Variants in EEIG1 observed in about 807,000 individuals in gnomAD.
EEIG1 encodes estrogen-induced osteoclastogenesis regulator 1, also known as early estrogen-induced gene 1 protein.
the EEIG1 span, among the ~76,000 whole-genome samples, chr9:127,960,224 C>A: frequency 6.6e-6 from 1 of 152,048 alleles, no homozygotes; most frequent in East Asian, 1.9e-4. Context: ...GAAGAGCCCT[C>A]CAGGTGAGGG....
At chr9:127,968,588 T>C in the EEIG1 span, among the ~76,000 whole-genome samples, 1 of 152,130 alleles carries the variant, frequency 6.6e-6, no homozygotes, top group South Asian at 2.1e-4. Flanking sequence ...GCCACCTTCA[T>C]GGAAGGGTAG....
At chr9:127,943,028 G>A in the EEIG1 span, 2 of 677,140 alleles carry the variant, frequency 3.0e-6, no homozygotes, top group South Asian at 1.7e-5. Context: ...ATGGATGGGA[G>A]GGGCAATGGA....
the EEIG1 span, chr9:127,943,342 C>T: frequency 1.8e-6 from 2 of 1,140,442 alleles, no homozygotes; most frequent in Non-Finnish European, 2.7e-6. Context: ...TACTGTTAAC[C>T]AGCCCTGTGT....
At chr9:127,973,482 G>A in the EEIG1 span, among the ~76,000 whole-genome samples, 2 of 152,222 alleles carry the variant, frequency 1.3e-5, no homozygotes, top group Admixed American at 6.5e-5. This position sits in a 1 kb window ranked among gnomAD's most constrained non-coding sequence, Gnocchi z 4.2. Flanking sequence ...GCTCCACGAA[G>A]CCAGATCATC....
chr9:127,978,722 A>T, the EEIG1 span, among the ~76,000 whole-genome samples: 1 of 152,286 alleles, frequency 6.6e-6, no homozygotes, highest in East Asian at 1.9e-4. Flanking sequence ...CTGTAATCTC[A>T]GCTACTGAGG....
chr9:127,956,963 C>T, the EEIG1 span, among the ~76,000 whole-genome samples: 1 of 152,194 alleles, frequency 6.6e-6, no homozygotes, highest in African/African-American at 2.4e-5. Context: ...GATCCATCTG[C>T]CATGGCATCC....
the EEIG1 span, among the ~76,000 whole-genome samples, chr9:127,980,984 G>C: frequency 3.3e-5 from 5 of 149,302 alleles, no homozygotes; most frequent in Non-Finnish European, 7.5e-5. Context: ...GCGCCGCTTG[G>C]AGAATGCCTG....
At chr9:127,962,781 C>T in the EEIG1 span, among the ~76,000 whole-genome samples, 2 of 152,254 alleles carry the variant, frequency 1.3e-5, no homozygotes, top group East Asian at 3.9e-4. Flanking sequence ...GTAATCCCAG[C>T]ACTCTGGGAG....
the EEIG1 span, chr9:127,945,824 A>G: frequency 2.9e-4 from 314 of 1,082,336 alleles, 3 homozygotes; most frequent in East Asian, 7.8e-3. This position sits in a 1 kb window ranked among gnomAD's most constrained non-coding sequence, Gnocchi z 6.5. Context: ...CGCCCTTCAC[A>G]ACGTGCCCTC....
chr9:127,965,065 C>T, the EEIG1 span, among the ~76,000 whole-genome samples: 13,254 of 140,484 alleles, frequency 0.094, 658 homozygotes, highest in Middle Eastern at 0.12. Flanking sequence ...GCCAAGATCG[C>T]GCCATCGCAC....
the EEIG1 span, chr9:127,945,005 C>T: frequency 7.6e-7 from 1 of 1,321,536 alleles, no homozygotes; most frequent in South Asian, 1.3e-5. The surrounding 1 kb of genome is among the most constrained non-coding windows in gnomAD (Gnocchi z 6.5). Flanking sequence ...CTCAGAATGT[C>T]CCTGTGCGCT....
chr9:127,951,626 G>T, the EEIG1 span, among the ~76,000 whole-genome samples: 734 of 151,850 alleles, frequency 4.8e-3, 5 homozygotes, highest in African/African-American at 0.016. Flanking sequence ...CCATCCTGGC[G>T]AACACGGTGA....
At chr9:127,949,311 CAAAA>C in the EEIG1 span, among the ~76,000 whole-genome samples, 1 of 90,156 alleles carries the variant, frequency 1.1e-5, no homozygotes, top group Non-Finnish European at 2.0e-5. Context: ...GACTCTGTCT[CAAAA>C]AAAAAAAAAA....
chr9:127,946,970 A>G, the EEIG1 span, among the ~76,000 whole-genome samples: 1 of 151,982 alleles, frequency 6.6e-6, no homozygotes, highest in Non-Finnish European at 1.5e-5. Flanking sequence ...CTTAGGGTTG[A>G]GGGGGCCCAG....
the EEIG1 span, chr9:127,945,542 G>A: frequency 2.1e-5 from 33 of 1,564,334 alleles, 1 homozygote; most frequent in East Asian, 1.2e-4. The surrounding 1 kb of genome is among the most constrained non-coding windows in gnomAD (Gnocchi z 6.5). Context: ...CTGGAGGAGC[G>A]CGAGTGCTCT....
chr9:127,959,766 G>A, the EEIG1 span, among the ~76,000 whole-genome samples: 117,535 of 152,134 alleles, frequency 0.77, 46,770 homozygotes, highest in Non-Finnish European at 0.87. Context: ...CGGCACCCAT[G>A]TGGGACTGTG....
the EEIG1 span, chr9:127,948,165 C>T: frequency 6.8e-6 from 11 of 1,614,094 alleles, no homozygotes; most frequent in East Asian, 6.7e-5. Flanking sequence ...CACCCTTACA[C>T]GTCAGCTGCA....
the EEIG1 span, chr9:127,945,635 A>G: frequency 6.4e-7 from 1 of 1,573,410 alleles, no homozygotes. The surrounding 1 kb of genome is among the most constrained non-coding windows in gnomAD (Gnocchi z 6.5). Flanking sequence ...GGGCAGGGCC[A>G]GGCAGCCACT....
the EEIG1 span, chr9:127,945,736 C>G: frequency 2.0e-4 from 310 of 1,571,572 alleles, 2 homozygotes; most frequent in South Asian, 3.5e-3. This position sits in a 1 kb window ranked among gnomAD's most constrained non-coding sequence, Gnocchi z 6.5. Flanking sequence ...AGGTTCTGGT[C>G]GGGTTCCTCT....
Sources: allele counts gnomAD v4.1 joint callset (sites outside exome capture counted in the v4.1 genomes callset), GRCh38; gene constraint gnomAD v4.1.1; non-coding constraint Gnocchi (gnomAD v3.1); transcripts MANE v1.5; gene names NCBI Gene and HGNC (gene_info 2026-07-23, HGNC 2026-07-21).